The following KLF12 variants were observed in gnomAD, a reference collection of about 807,000 sequenced individuals.
KLF12 encodes KLF transcription factor 12, also known as Krueppel-like factor 12.
A neutral mutation model predicts 37.8 loss-of-function variants in KLF12; 9 were observed. That is an observed-to-expected ratio of 0.24 (90% CI 0.14 to 0.42). KLF12 has a LOEUF of 0.42. Ranked by LOEUF, KLF12 falls within the 10% of genes least tolerant of loss-of-function variation. KLF12 has a pLI of 1.00. For synonymous variants in KLF12, 208 were observed against 202.1 expected, an observed-to-expected ratio of 1.03 and a Z score of -0.25; for missense variants, 411 against 516.0, an observed-to-expected ratio of 0.80 and a Z score of 1.97.
the KLF12 span, among the ~76,000 whole-genome samples, chr13:74,171,115 C>T: frequency 2.0e-5 from 3 of 152,128 alleles, no homozygotes; most frequent in East Asian, 1.9e-4. Flanking sequence ...TTATAAAGCT[C>T]GTAATCGACA....
chr13:74,135,035 G>T (rs1878492184), upstream of KLF12, among the ~76,000 whole-genome samples: 3 of 151,464 alleles, frequency 2.0e-5, no homozygotes, highest in South Asian at 6.2e-4. Flanking sequence ...GGGCAGCCCC[G>T]CGGGCGGTGC....
chr13:73,712,058 G>A, intron 7 of KLF12, among the ~76,000 whole-genome samples: 1 of 152,202 alleles, frequency 6.6e-6, no homozygotes, highest in East Asian at 1.9e-4. Context: ...TAGAAGTGGA[G>A]CCGGGCGCGG....
chr13:73,900,264 G>C (rs1408764043), intron 3 of KLF12, among the ~76,000 whole-genome samples: 1 of 152,158 alleles, frequency 6.6e-6, no homozygotes, highest in Non-Finnish European at 1.5e-5. Context: ...GAGTAGATGA[G>C]AGTTGGTATC....
chr13:74,049,699 G>T (rs1872783365), intron 1 of KLF12, among the ~76,000 whole-genome samples: 3 of 152,268 alleles, frequency 2.0e-5, no homozygotes, highest in Middle Eastern at 6.8e-3. Context: ...TGGAATTCCA[G>T]CGTGGGATAA....
chr13:74,212,011 A>T, the KLF12 span, among the ~76,000 whole-genome samples: 1 of 152,164 alleles, frequency 6.6e-6, no homozygotes, highest in African/African-American at 2.4e-5. Context: ...AATGCATGAC[A>T]TATGGTTTAA....
At chr13:74,160,303 C>T in the KLF12 span, among the ~76,000 whole-genome samples, 27,544 of 152,064 alleles carry the variant, frequency 0.18, 2,942 homozygotes, top group African/African-American at 0.3. Context: ...GATACACTAA[C>T]GTTGAATGGC....
rs9565078 is a variant in KLF12 at position 74,119,204 on chromosome 13, G to A, written c.-32+14535C>T. Among the ~76,000 whole-genome samples, 1,271 of 151,938 alleles carry A rather than the reference G, an allele frequency of 8.4e-3. 21 individuals carry two copies. Among genetic ancestry groups the A allele is most frequent in the East Asian group, 0.05 (255 of 5,150 alleles). Reference sequence around the variant, plus strand: ...AAAAATTATCCAGGTGTGGTGGCACGTGCCTGTAATCCCAGATACTTGGGA... The same window carrying A: ...AAAAATTATCCAGGTGTGGTGGCACATGCCTGTAATCCCAGATACTTGGGA... On this transcript the variant is annotated intron_variant, in intron 1 of 7. Transcript: ENST00000377669.
chr13:73,743,890 C>G (rs2137910989), intron 6 of KLF12, among the ~76,000 whole-genome samples: 1 of 152,232 alleles, frequency 6.6e-6, no homozygotes. Flanking sequence ...ATGGAGGGCT[C>G]TTATCATTTA....
At chr13:74,301,803 T>C in the KLF12 span, among the ~76,000 whole-genome samples, 1 of 152,148 alleles carries the variant, frequency 6.6e-6, no homozygotes, top group African/African-American at 2.4e-5. Context: ...GTACGCTGCA[T>C]TGGAATCCAA....
intron 1 of KLF12, among the ~76,000 whole-genome samples, chr13:74,100,615 T>C (rs1362099697): frequency 9.9e-6 from 1 of 101,050 alleles, no homozygotes; most frequent in East Asian, 6.1e-4. Context: ...AGAGTCCATC[T>C]CAAATATATA....
intron 1 of KLF12, among the ~76,000 whole-genome samples, chr13:74,128,839 T>A (rs1222103990): frequency 6.6e-6 from 1 of 152,178 alleles, no homozygotes; most frequent in Non-Finnish European, 1.5e-5. Context: ...CCCTTTTTTA[T>A]ACACACGTGT....
chr13:73,705,904 A>C (rs1178437539), intron 7 of KLF12, among the ~76,000 whole-genome samples: 1 of 152,218 alleles, frequency 6.6e-6, no homozygotes, highest in East Asian at 1.9e-4. Flanking sequence ...CTGTAATCCC[A>C]GCACTTTGGG....
chr13:73,846,066 G>C lies in KLF12; in HGVS notation c.431C>G (p.Thr144Ser). 1 of 1,614,062 alleles carries C rather than the reference G, an allele frequency of 6.2e-7. No individual in the cohort carries two copies. Among genetic ancestry groups the C allele is most frequent in the Non-Finnish European group, 8.5e-7 (1 of 1,179,976 alleles). Residue 144 changes from threonine (T) to serine (S), a missense_variant, in exon 4 of 8, where the codon ACT becomes AGT. Physicochemically the swap from Thr to Ser is moderately conservative, Grantham distance 58 (BLOSUM62 1). This residue lies in a region of KLF12 where 351 missense variants were observed against 397.8 expected (regional missense o/e 0.88). Coordinates refer to ENST00000377669, the MANE Select transcript of KLF12 (RefSeq NM_007249.5). Reference sequence around the variant, plus strand: ...TGCAGAGGCCACAAGGGGCCCTGGAGTTAATACTGTTGACGAAGATGACGC... The same window carrying C: ...TGCAGAGGCCACAAGGGGCCCTGGACTTAATACTGTTGACGAAGATGACGC...
the KLF12 span, among the ~76,000 whole-genome samples, chr13:74,295,418 G>T: frequency 6.6e-6 from 1 of 152,158 alleles, no homozygotes; most frequent in Non-Finnish European, 1.5e-5. Flanking sequence ...AAATCCCCTT[G>T]GTTTTGCTCT....
the KLF12 span, among the ~76,000 whole-genome samples, chr13:74,302,642 C>G: frequency 1.3e-5 from 2 of 152,132 alleles, no homozygotes; most frequent in Admixed American, 6.6e-5. Context: ...CACTGCTAGA[C>G]TGAATCATCG....
At chr13:73,724,091 G>A (rs9573283) in intron 6 of KLF12, among the ~76,000 whole-genome samples, 10 of 152,212 alleles carry the variant, frequency 6.6e-5, no homozygotes, top group East Asian at 3.9e-4. Flanking sequence ...ACATGCACAC[G>A]TTATGTTTAC....
chr13:73,887,738 C>A (rs944902609), intron 3 of KLF12, among the ~76,000 whole-genome samples: 1 of 151,814 alleles, frequency 6.6e-6, no homozygotes. Flanking sequence ...AAAAAACACA[C>A]AAATTATTCC....
the KLF12 span, among the ~76,000 whole-genome samples, chr13:74,297,434 C>T: frequency 9.2e-5 from 14 of 152,212 alleles, no homozygotes; most frequent in African/African-American, 3.4e-4. Flanking sequence ...ATAGTAGTTA[C>T]TGTTTGTTCA....
At chr13:74,298,466 C>T in the KLF12 span, among the ~76,000 whole-genome samples, 4 of 152,280 alleles carry the variant, frequency 2.6e-5, no homozygotes, top group East Asian at 5.8e-4. Flanking sequence ...ATGTGGCTAG[C>T]GGTTTCTGTA....
Sources: gnomAD v4.1 joint callset for allele counts (sites outside exome capture counted in the v4.1 genomes callset) on GRCh38, gnomAD v4.1.1 for gene constraint, gnomAD v4.1.1 regional missense constraint, MANE v1.5 for transcripts, NCBI Gene and HGNC (gene_info 2026-07-23, HGNC 2026-07-21) for gene names.